The following PTPRQ variants were observed in gnomAD, a reference collection of about 807,000 sequenced individuals.
The protein encoded by PTPRQ is protein tyrosine phosphatase receptor type Q, also known as phosphatidylinositol phosphatase PTPRQ.
In PTPRQ, 199 loss-of-function variants were observed where a neutral mutation model predicts 246.0. The ratio of observed to expected loss-of-function variants is 0.81; its 90% confidence interval spans 0.72 to 0.91. The LOEUF is 0.91. PTPRQ is among the 40% of genes least tolerant of loss of function. The probability of loss-of-function intolerance (pLI) is 0.00; values close to 1 mark genes in which losing one functional copy is unlikely to be tolerated. For missense variants in PTPRQ, 2,624 were observed against 2,528.4 expected (o/e 1.04, Z -0.81); for synonymous variants, 869 against 853.2 (o/e 1.02, Z -0.32).
chr12:80,552,335 G>A (rs1209433813), intron 25 of PTPRQ, among the ~76,000 whole-genome samples: 3 of 151,906 alleles, frequency 2.0e-5, no homozygotes, highest in Admixed American at 2.0e-4. Flanking sequence ...CTAGCACCAG[G>A]TATAATGGTC....
chr12:80,527,235 T>G (rs1438096584), intron 17 of PTPRQ, among the ~76,000 whole-genome samples: 1 of 152,134 alleles, frequency 6.6e-6, no homozygotes, highest in Non-Finnish European at 1.5e-5. Flanking sequence ...AAAAATGTTT[T>G]GAAAAATATT....
At chr12:80,508,555 A>T (rs1895032647) in intron 16 of PTPRQ, among the ~76,000 whole-genome samples, 1 of 152,056 alleles carries the variant, frequency 6.6e-6, no homozygotes. Context: ...CATGCCAGGT[A>T]GAGGAGTGAC....
chr12:80,557,496 A>T (rs1369371896), intron 25 of PTPRQ, among the ~76,000 whole-genome samples: 1 of 151,680 alleles, frequency 6.6e-6, no homozygotes, highest in East Asian at 1.9e-4. Context: ...ATCAATGCAC[A>T]GGCCAAGAAG....
At chr12:80,622,367 A>G (rs182267530) in intron 33 of PTPRQ, among the ~76,000 whole-genome samples, 41 of 152,132 alleles carry the variant, frequency 2.7e-4, no homozygotes, top group Non-Finnish European at 5.3e-4. Flanking sequence ...CTATCCTTTA[A>G]GTTAGGTCAG....
intron 17 of PTPRQ, among the ~76,000 whole-genome samples, chr12:80,524,936 G>C (rs1895637150): frequency 6.6e-6 from 1 of 152,112 alleles, no homozygotes; most frequent in Non-Finnish European, 1.5e-5. Flanking sequence ...CGCATTTATA[G>C]GATTATAGAA....
At chr12:80,516,372 C>G (rs1895299890) in intron 17 of PTPRQ, among the ~76,000 whole-genome samples, 1 of 152,124 alleles carries the variant, frequency 6.6e-6, no homozygotes, top group African/African-American at 2.4e-5. Context: ...CAAATCTTGA[C>G]TCTGAAATGT....
intron 26 of PTPRQ, among the ~76,000 whole-genome samples, chr12:80,600,264 C>T (rs1370271521): frequency 6.6e-6 from 1 of 151,576 alleles, no homozygotes; most frequent in African/African-American, 2.4e-5. Context: ...TTTCTCTTAC[C>T]TCTGCTTGGG....
intron 5 of PTPRQ, 25 bp downstream of exon 5, chr12:80,459,508 T>TGTCTTGAA: frequency 5.1e-6 from 2 of 392,488 alleles, no homozygotes; most frequent in East Asian, 7.1e-5. Flanking sequence ...ACACTTTCTA[T>TGTCTTGAA]GTCTTGAAAA....
At position 80,459,404 on chromosome 12, in the gene PTPRQ, A is replaced by C. The variant is rs1373916418; in HGVS notation, c.581A>C (p.His194Pro). The part of the protein sequence containing the change: ...KITSFKISVK[H>P]ARSGIVVKDV... ...ACCAGCTTCAAGATTAGTGTCAAGC[A>C]TGCCAGAAGTGGGATAGTAGTGAAA... Residue 194 changes from histidine to proline, a missense_variant, in exon 5 of 45, where the codon CAT (histidine) becomes CCT (proline). Coordinates refer to ENST00000644991, the MANE Select transcript of PTPRQ (RefSeq NM_001145026.2). 1 of 398,392 alleles carries C rather than the reference A, an allele frequency of 2.5e-6. No individual in the cohort carries two copies. Among genetic ancestry groups the C allele is most frequent in the East Asian group, 3.6e-5 (1 of 28,066 alleles). The allele number at this position is 398,392 out of a possible 1,614,324, so 24.7% of individuals were successfully genotyped here.
Position 80,514,272 on chromosome 12 carries a change from T to G in PTPRQ, c.2678+3829T>G, listed in dbSNP as rs548191200. Among the ~76,000 whole-genome samples the G allele has an allele frequency of 6.6e-5, 10 of 151,926 alleles. No individual in the cohort carries two copies. In the East Asian group the frequency reaches 1.9e-3, roughly 29 times the overall value. ...GGGTCTTAATTTAATTATAACTACC[T>G]AATTGTAAAACTCTGTGGTCGCAAA... is the stretch of plus-strand genomic sequence containing the variant. On this transcript the variant is annotated intron_variant, in intron 17 of 44. Transcript: ENST00000644991.
At chr12:80,567,565 A>G (rs767317547) in intron 25 of PTPRQ, among the ~76,000 whole-genome samples, 2 of 152,170 alleles carry the variant, frequency 1.3e-5, no homozygotes, top group Non-Finnish European at 2.9e-5. Context: ...ACTTGTTCTT[A>G]AGCTGTCTGT....
At chr12:80,496,566 C>T (rs1257932232) in intron 14 of PTPRQ, 35 bp downstream of exon 14, 2 of 1,528,234 alleles carry the variant, frequency 1.3e-6, no homozygotes, top group South Asian at 2.6e-5. Flanking sequence ...TTTAATAATA[C>T]ACAGTGATAT....
chr12:80,591,538 T>C (rs755316270), intron 26 of PTPRQ, among the ~76,000 whole-genome samples: 3 of 152,148 alleles, frequency 2.0e-5, no homozygotes, highest in African/African-American at 7.2e-5. Context: ...ACAAAACAGA[T>C]TGTTTTCCAG....
chr12:80,577,665 T>C (rs2120981012), intron 25 of PTPRQ, among the ~76,000 whole-genome samples: 1 of 152,316 alleles, frequency 6.6e-6, no homozygotes, highest in South Asian at 2.1e-4. Flanking sequence ...TGTTTCACAG[T>C]ATGTAATTTT....
intron 17 of PTPRQ, among the ~76,000 whole-genome samples, chr12:80,522,345 A>G (rs1006907209): frequency 2.0e-5 from 3 of 152,136 alleles, no homozygotes; most frequent in Non-Finnish European, 2.9e-5. Context: ...CTAATTGAAT[A>G]CCATTTATTT....
rs1462373888 is a variant in PTPRQ, at chr12:80,510,311, C to A, written c.2558-12C>A. ...TTAATAAAACACATTATTCTATACCCTAACTTTACAGCTCCTGATTCTCCC... is the reference window on the plus strand; with the variant it reads ...TTAATAAAACACATTATTCTATACCATAACTTTACAGCTCCTGATTCTCCC... On this transcript the variant is annotated splice_polypyrimidine_tract_variant and intron_variant, in intron 16 of 44. Transcript: ENST00000644991. 3.5e-5 allele frequency: 53 copies of A among 1,536,188 alleles called. No homozygotes were observed. In the East Asian group the frequency reaches 1.3e-3, roughly 37 times the overall value.
chr12:80,642,924 A>AAAAAAAC (rs1345848719), intron 35 of PTPRQ, among the ~76,000 whole-genome samples: 8 of 103,132 alleles, frequency 7.8e-5, no homozygotes, highest in African/African-American at 4.6e-4. Flanking sequence ...CGTCTTAAAA[A>AAAAAAAC]AAAAAAAAAA....
chr12:80,633,015 C>T (rs910739766), intron 34 of PTPRQ, among the ~76,000 whole-genome samples: 1 of 152,188 alleles, frequency 6.6e-6, no homozygotes, highest in African/African-American at 2.4e-5. Context: ...GTGTTTTCCT[C>T]TTCCTACTGC....
chr12:80,628,172 C>T (rs910166974), intron 33 of PTPRQ, among the ~76,000 whole-genome samples: 1 of 151,998 alleles, frequency 6.6e-6, no homozygotes, highest in Non-Finnish European at 1.5e-5. Flanking sequence ...TGTGAAAATT[C>T]ATAAATCAAA....
Sources: gnomAD v4.1 joint callset for allele counts (sites outside exome capture counted in the v4.1 genomes callset) on GRCh38, gnomAD v4.1.1 for gene constraint, MANE v1.5 for transcripts, NCBI Gene and HGNC (gene_info 2026-07-23, HGNC 2026-07-21) for gene names.